B4GALNT4: variants seen among roughly 807,000 people sequenced by gnomAD.
The protein encoded by B4GALNT4 is N-acetyl-beta-glucosaminyl-glycoprotein 4-beta-N-acetylgalactosaminyltransferase 1.
Under a neutral mutation model 110.0 loss-of-function variants are expected in B4GALNT4, and 77 were observed. That is an observed-to-expected ratio of 0.70 (90% confidence interval 0.58 to 0.85). The LOEUF (loss-of-function observed/expected upper bound fraction) is 0.85. Among genes scored for constraint, B4GALNT4 ranks in the 40% least tolerant of loss-of-function variants. The probability of loss-of-function intolerance (pLI) is 0.00; values close to 1 mark genes in which losing one functional copy is unlikely to be tolerated. For synonymous variants in B4GALNT4, 785 were observed against 655.5 expected (o/e 1.20, Z -3.02); for missense variants, 1,575 against 1,506.0 (o/e 1.05, Z -0.76).
chr11:379,621 G>A lies in B4GALNT4; in HGVS notation c.2408G>A (p.Arg803His), dbSNP rs1846830103. ...SPEPAPAASV[R>H]PDGRPELCRP... ...GAACCCGCTCCCGCCGCCTCCGTGC[G>A]CCCCGACGGCCGCCCCGAGCTCTGC... Residue 803 changes from arginine (R) to histidine (H), a missense_variant, in exon 15 of 20, where the codon CGC becomes CAC. Transcript: ENST00000329962. The A allele has an allele frequency of 6.6e-7, 1 of 1,525,728 alleles. No homozygotes were observed. Among genetic ancestry groups the A allele is most frequent in the South Asian group, 1.2e-5 (1 of 80,134 alleles). 94.5% of individuals were successfully genotyped at this position (1,525,728 alleles called of 1,614,324 possible).
rs377133463 is a variant in B4GALNT4 at position 381,622 on chromosome 11, C to T, written c.2997-47C>T. 2.3e-5 allele frequency: 34 copies of T among 1,507,496 alleles called. No individual in the cohort carries two copies. In the African/African-American group the frequency reaches 3.0e-4, roughly 13 times the overall value. The allele number at this position is 1,507,496 out of a possible 1,614,324, so 93.4% of individuals were successfully genotyped here. A position where few individuals can be genotyped will look rare whatever the true frequency, so the allele number is the denominator to read the frequency against. On this transcript the variant is annotated intron_variant, in intron 19 of 19. Coordinates refer to ENST00000329962, the MANE Select transcript of B4GALNT4 (RefSeq NM_178537.5). ...GGCCCCGGGGTCCTGACCACCTCTC[C>T]GTCCCCAACCCCGGGGTCCTGACCA...
At chr11:371,942 C>T (rs1846624885) in intron 1 of B4GALNT4, among the ~76,000 whole-genome samples, 167 bp from the exon 2 acceptor site, 1 of 152,230 alleles carries the variant, frequency 6.6e-6, no homozygotes, top group Non-Finnish European at 1.5e-5. Context: ...GGAGGGGCAT[C>T]TGGTGGCAGA....
At chr11:373,168 C>T (rs1277648328) in intron 5 of B4GALNT4, 23 bp from the exon 6 acceptor site, 1 of 1,612,328 alleles carries the variant, frequency 6.2e-7, no homozygotes, top group East Asian at 2.2e-5. Flanking sequence ...CTCCACCCCC[C>T]TGAGCCTAGT....
intron 2 of B4GALNT4, 61 bp from the exon 3 acceptor site, chr11:372,601 G>A: frequency 2.2e-6 from 3 of 1,352,182 alleles, no homozygotes; most frequent in Non-Finnish European, 3.1e-6. Context: ...GTTTGTCTTG[G>A]TGTGTGTGAC....
Position 375,878 on chromosome 11 carries a change from C to T in B4GALNT4, c.1017C>T (p.Asn339=), listed in dbSNP as rs776948204. ...GCATGGAATCTTCGAGCCTGGAGAA[C>T]GTGCTGGAGCCCTGCGCCTACGCCC... ...TPRMESSSLE[N]VLEPCAYAPT... Residue 339 remains asparagine (N), a synonymous_variant, in exon 11 of 20, where the codon AAC becomes AAT. Coordinates refer to ENST00000329962, the MANE Select transcript of B4GALNT4 (RefSeq NM_178537.5). 7.1e-5 allele frequency: 114 copies of T among 1,611,536 alleles called. No homozygotes were observed. The highest frequency in any genetic ancestry group is 9.4e-5 in the Non-Finnish European group (111 of 1,179,448).
chr11:377,444 G>A (rs1206229848), intron 14 of B4GALNT4, 117 bp downstream of exon 14: 3 of 1,163,152 alleles, frequency 2.6e-6, no homozygotes. Flanking sequence ...TGGTGTACCG[G>A]CCTGGGGGCT....
In B4GALNT4 at chr11:376,344, C is replaced by G; in HGVS notation, c.1290C>G (p.Asn430Lys). ...AGCGCCGAGCCTTCCTCTTCCTCAA[C>G]CCGGACGGTGAGTGTCCGCAGCGCC... is the stretch of plus-strand genomic sequence containing the variant. ...EVQRRAFLFLNPDDFLDDEDE... is the reference protein window; with the variant it reads ...EVQRRAFLFLKPDDFLDDEDE... The change falls in exon 13 of 20, where the codon AAC becomes AAG. Residue 430 changes from asparagine (N) to lysine (K), a missense_variant. Asn to Lys is a moderately conservative substitution (Grantham distance 94, BLOSUM62 0). Transcript: ENST00000329962. 3 of 1,608,058 alleles carry G rather than the reference C, an allele frequency of 1.9e-6. No homozygotes were observed. The highest frequency in any genetic ancestry group is 2.5e-6 in the Non-Finnish European group (3 of 1,177,500).
chr11:380,411 C>T lies in B4GALNT4; in HGVS notation c.2835C>T (p.Arg945=), dbSNP rs771251626. 6.2e-7 allele frequency: 1 copy of T among 1,611,316 alleles called. No individual in the cohort carries two copies. The highest frequency in any genetic ancestry group is 8.5e-7 in the Non-Finnish European group (1 of 1,179,136). ...TGGCCTTCGCGCCCGTGGTCATGCG[C>T]CTGAGCTGCGGGAGCTCGCCCCGGG... is the stretch of plus-strand genomic sequence containing the variant. ...GRLAFAPVVM[R]LSCGSSPRDP... The change falls in exon 18 of 20, where the codon CGC becomes CGT. Residue 945 remains arginine, a synonymous_variant. Coordinates refer to ENST00000329962, the MANE Select transcript of B4GALNT4 (RefSeq NM_178537.5).
Position 373,839 on chromosome 11 carries a change from T to A in B4GALNT4, c.783+11T>A, listed in dbSNP as rs1343534187. ...CACGTGGAAGTGGGCGTGAGTGCCT[T>A]CCTCCCCTGGGGGCTTCTGGAGACT... On this transcript the variant is annotated intron_variant, in intron 8 of 19. Coordinates refer to ENST00000329962, the MANE Select transcript of B4GALNT4 (RefSeq NM_178537.5). The A allele has an allele frequency of 1.2e-6, 2 of 1,610,926 alleles. No homozygotes were observed. The highest frequency in any genetic ancestry group is 1.7e-6 in the Non-Finnish European group (2 of 1,179,588).
intron 18 of B4GALNT4, 178 bp downstream of exon 18, chr11:380,623 G>A (rs528289188): frequency 2.4e-6 from 3 of 1,268,104 alleles, no homozygotes; most frequent in Middle Eastern, 1.8e-4. Flanking sequence ...CATGCCAGGG[G>A]CCCCAGGAAC....
In B4GALNT4 at chr11:375,768, T is replaced by A; in HGVS notation, c.980T>A (p.Phe327Tyr). ...MLRPDPRDTF[F>Y]LTPRMESSSL... ...CGGCCAGATCCCAGGGATACCTTTTTCCTCAGTGAGAGGGGGCCCGCGCGG... is the reference window on the plus strand; with the variant it reads ...CGGCCAGATCCCAGGGATACCTTTTACCTCAGTGAGAGGGGGCCCGCGCGG... The change falls in exon 10 of 20, where the codon TTC (phenylalanine) becomes TAC (tyrosine). Residue 327 changes from phenylalanine (F) to tyrosine (Y), a missense_variant. By Grantham distance (22) the Phe-to-Tyr change is conservative. Coordinates refer to ENST00000329962, the MANE Select transcript of B4GALNT4 (RefSeq NM_178537.5). 1 of 1,598,668 alleles carries A rather than the reference T, an allele frequency of 6.3e-7. No homozygotes were observed.
rs766927722 is a variant in B4GALNT4, at chr11:380,360, C to T, written c.2784C>T (p.Ile928=). The stretch of plus-strand genomic sequence containing the variant: ...TCCCACCCAACATCCTGGACGGCAT[C>T]CGCAAGCACTGCGTGGAGGGCAGGC... ...IHFPPNILDG[I]RKHCVEGRLA... Residue 928 remains isoleucine, a synonymous_variant, in exon 18 of 20, where the codon ATC becomes ATT. Transcript: ENST00000329962. 5.0e-6 allele frequency: 8 copies of T among 1,613,270 alleles called. No individual in the cohort carries two copies. Among genetic ancestry groups the T allele is most frequent in the Middle Eastern group, 3.3e-4 (2 of 6,080 alleles).
chr11:376,652 G>T lies in B4GALNT4; in HGVS notation c.1529G>T (p.Arg510Leu), dbSNP rs1306138078. Residue 510 changes from arginine to leucine, a missense_variant, in exon 14 of 20, where the codon CGA becomes CTA. By Grantham distance (102) the Arg-to-Leu change is moderately radical. Transcript: ENST00000329962. Reference protein sequence around the residue: ...AARPLPLFLGRAPPPRPAVEQ... With the variant: ...AARPLPLFLGLAPPPRPAVEQ... ...CGCCCTTTGCCGCTCTTCTTGGGCC[G>T]AGCTCCGCCCCCGCGCCCTGCAGTG... The T allele has an allele frequency of 2.8e-6, 4 of 1,428,208 alleles. No individual in the cohort carries two copies. The African/African-American group carries it at 4.5e-5, about 16-fold the overall frequency. 88.5% of individuals were successfully genotyped at this position (1,428,208 alleles called of 1,614,324 possible).
At position 375,798 on chromosome 11, in the gene B4GALNT4, G is replaced by T. The variant is rs748393129; in HGVS notation, c.985+25G>T. On this transcript the variant is annotated intron_variant, in intron 10 of 19. Transcript: ENST00000329962. ...AGTGAGAGGGGGCCCGCGCGGGGGCGAGGGCGGGGGTGCCTGCCCCAGCCA... is the reference window on the plus strand; with the variant it reads ...AGTGAGAGGGGGCCCGCGCGGGGGCTAGGGCGGGGGTGCCTGCCCCAGCCA... The T allele has an allele frequency of 1.9e-6, 3 of 1,601,484 alleles. No homozygotes were observed. In the African/African-American group the frequency reaches 4.0e-5, roughly 21 times the overall value.
chr11:373,424 C>T, intron 6 of B4GALNT4, 25 bp from the exon 7 acceptor site: 1 of 1,444,692 alleles, frequency 6.9e-7, no homozygotes, highest in Admixed American at 1.7e-5. Context: ...CCCCCCACCA[C>T]CACCCCTGCT....
At chr11:373,622 C>T (rs1245114980) in intron 7 of B4GALNT4, 106 bp downstream of exon 7, 36 of 1,522,522 alleles carry the variant, frequency 2.4e-5, no homozygotes, top group Non-Finnish European at 3.3e-5. Flanking sequence ...GCACGAGCAC[C>T]CGCCCGGCCA....
Position 380,379 on chromosome 11 carries a change from G to C in B4GALNT4, c.2803G>C (p.Gly935Arg). The change falls in exon 18 of 20, where the codon GGC becomes CGC. Residue 935 changes from glycine (G) to arginine (R), a missense_variant. Coordinates refer to ENST00000329962, the MANE Select transcript of B4GALNT4 (RefSeq NM_178537.5). ...CGGCATCCGCAAGCACTGCGTGGAGGGCAGGCTGGCCTTCGCGCCCGTGGT... is the reference window on the plus strand; with the variant it reads ...CGGCATCCGCAAGCACTGCGTGGAGCGCAGGCTGGCCTTCGCGCCCGTGGT... ...LDGIRKHCVE[G>R]RLAFAPVVMR... 6.2e-7 allele frequency: 1 copy of C among 1,613,220 alleles called. No homozygotes were observed. The highest frequency in any genetic ancestry group is 8.5e-7 in the Non-Finnish European group (1 of 1,179,738).
At position 379,915 on chromosome 11, in the gene B4GALNT4, GC is replaced by G. The variant is rs1564872540; in HGVS notation, c.2539del (p.Leu847CysfsTer39). 1.2e-6 allele frequency: 2 copies of G among 1,610,112 alleles called. No individual in the cohort carries two copies. Among genetic ancestry groups the G allele is most frequent in the Admixed American group, 3.3e-5 (2 of 59,962 alleles). On this transcript the variant is annotated frameshift_variant, in exon 16 of 20. Coordinates refer to ENST00000329962, the MANE Select transcript of B4GALNT4 (RefSeq NM_178537.5). LOFTEE classifies it high-confidence loss of function. ...CACAGTTCCTGGCGGACATGGCTGC[GC>G]TGCACGCGCGCACCGGGGACTCGCG... ...VAQFLADMAA[L>X]HARTGDSRFS...
rs528382735 is a variant in B4GALNT4 at position 370,331 on chromosome 11, C to T, written c.151+377C>T. Among the ~76,000 whole-genome samples, 12 of 152,262 alleles carry T rather than the reference C, an allele frequency of 7.9e-5. No individual in the cohort carries two copies. The South Asian group carries it at 2.3e-3, about 29-fold the overall frequency. ...AGACCCTGCTGAGGCTTCCAAGAGGCCTTCTCAGGCCTCGCCTCCACCCCC... is the reference window on the plus strand; with the variant it reads ...AGACCCTGCTGAGGCTTCCAAGAGGTCTTCTCAGGCCTCGCCTCCACCCCC... On this transcript the variant is annotated intron_variant, in intron 1 of 19. Transcript: ENST00000329962.
Sources: allele counts gnomAD v4.1 joint callset (sites outside exome capture counted in the v4.1 genomes callset), GRCh38; gene constraint gnomAD v4.1.1; transcripts MANE v1.5; gene names NCBI Gene and HGNC (gene_info 2026-07-23, HGNC 2026-07-21).